The following FAM120B variants were observed in gnomAD, a reference collection of about 807,000 sequenced individuals.
The protein encoded by FAM120B is family with sequence similarity 120 member B, also known as constitutive coactivator of peroxisome proliferator-activated receptor gamma.
In FAM120B, 83 loss-of-function variants were observed where a neutral mutation model predicts 96.3. The observed-to-expected ratio is 0.86, with a 90% confidence interval of 0.72 to 1.03. The LOEUF is 1.03. Ranked by LOEUF, FAM120B falls within the 50% of genes least tolerant of loss-of-function variation. The probability of loss-of-function intolerance (pLI) is 0.00; values close to 1 mark genes in which losing one functional copy is unlikely to be tolerated. For missense variants in FAM120B, 1,027 were observed against 1,121.2 expected, an observed-to-expected ratio of 0.92 and a Z score of 1.20; for synonymous variants, 407 against 402.7, an observed-to-expected ratio of 1.01 and a Z score of -0.13.
intron 5 of FAM120B, among the ~76,000 whole-genome samples, chr6:170,351,153 A>G (rs755633579): frequency 3.9e-5 from 6 of 152,152 alleles, no homozygotes; most frequent in Non-Finnish European, 8.8e-5. Context: ...TCACAGTGCA[A>G]TTACAAGTGT....
chr6:170,293,530 A>G (rs1783931165), upstream of FAM120B, among the ~76,000 whole-genome samples: 2 of 152,134 alleles, frequency 1.3e-5, no homozygotes, highest in South Asian at 2.1e-4. Context: ...ACTGAAAGGC[A>G]TCGTAAAATC....
chr6:170,357,892 T>C (rs545036122), intron 5 of FAM120B, among the ~76,000 whole-genome samples: 19 of 152,356 alleles, frequency 1.2e-4, no homozygotes, highest in African/African-American at 4.3e-4. Flanking sequence ...GAGGCTGTGC[T>C]CTTTCCACCT....
At chr6:170,306,908 T>A (rs1041672979) in intron 1 of FAM120B, 66 bp downstream of exon 1, 18 of 152,422 alleles carry the variant, frequency 1.2e-4, no homozygotes, top group African/African-American at 4.1e-4. Flanking sequence ...GACCGTCCGT[T>A]ACCCGCGTCC....
At chr6:170,371,606 A>G (rs928008035) in intron 6 of FAM120B, among the ~76,000 whole-genome samples, 2 of 152,216 alleles carry the variant, frequency 1.3e-5, no homozygotes, top group African/African-American at 4.8e-5. Context: ...CTCCACCTTA[A>G]GATGCAAAAG....
At position 170,391,125 on chromosome 6, in the gene FAM120B, G is replaced by A. The variant is rs181417813; in HGVS notation, c.2599+4G>A. The A allele has an allele frequency of 1.2e-6, 2 of 1,609,278 alleles. No homozygotes were observed. The highest frequency in any genetic ancestry group is 1.7e-6 in the Non-Finnish European group (2 of 1,175,756). ...CACTGGGGCTCACACCACGCAGGTG[G>A]GAAAGGGCCAGGTGCCTCTAGAAGC... is the stretch of plus-strand genomic sequence containing the variant. On this transcript the variant is annotated splice_donor_region_variant and intron_variant, in intron 8 of 10. Coordinates refer to ENST00000476287, the MANE Select transcript of FAM120B (RefSeq NM_032448.3).
Position 170,317,523 on chromosome 6 carries a change from G to A in FAM120B, c.133G>A (p.Ala45Thr), listed in dbSNP as rs1784972635. The change falls in exon 2 of 11, where the codon GCC becomes ACC. Residue 45 changes from alanine (A) to threonine (T), a missense_variant. Transcript: ENST00000476287. ...PGCTPTIVVD[A>T]MCCLRYWYTP... Reference sequence around the variant, plus strand: ...ATGTACCCCTACCATTGTGGTTGATGCCATGTGTTGTCTCAGATATTGGTA... The same window carrying A: ...ATGTACCCCTACCATTGTGGTTGATACCATGTGTTGTCTCAGATATTGGTA... The A allele has an allele frequency of 2.5e-6, 4 of 1,614,088 alleles. No homozygotes were observed. Among genetic ancestry groups the A allele is most frequent in the Non-Finnish European group, 1.7e-6 (2 of 1,180,042 alleles).
intron 6 of FAM120B, among the ~76,000 whole-genome samples, chr6:170,381,933 A>G (rs1039668818): frequency 6.6e-6 from 1 of 152,214 alleles, no homozygotes; most frequent in Non-Finnish European, 1.5e-5. Context: ...GCTTTTCTCC[A>G]ATATCAGGGA....
rs1187706574 is a variant in FAM120B, at chr6:170,370,861, A to T, written c.2283+12543A>T. ...GTTGTGCGTCTCTAACAGACGGGAG[A>T]TACTGCAGTAGAATTTGCAGCACTT... is the stretch of plus-strand genomic sequence containing the variant. On this transcript the variant is annotated intron_variant, in intron 6 of 10. Coordinates refer to ENST00000476287, the MANE Select transcript of FAM120B (RefSeq NM_032448.3). This position sits in a 1 kb window ranked among gnomAD's most constrained non-coding sequence, Gnocchi z 4.3. Among the ~76,000 whole-genome samples the T allele has an allele frequency of 6.6e-6, 1 of 152,106 alleles. No individual in the cohort carries two copies.
intron 3 of FAM120B, among the ~76,000 whole-genome samples, chr6:170,328,113 C>T (rs1785727694): frequency 6.6e-6 from 1 of 152,170 alleles, no homozygotes; most frequent in South Asian, 2.1e-4. Flanking sequence ...ATTTATTTAA[C>T]TTTTTGACTC....
At chr6:170,336,123 A>C (rs546183626) in intron 4 of FAM120B, among the ~76,000 whole-genome samples, 1 of 152,186 alleles carries the variant, frequency 6.6e-6, no homozygotes, top group Non-Finnish European at 1.5e-5. Flanking sequence ...GTCTTTGCCC[A>C]TGCCTATGTC....
At chr6:170,291,430 G>A (rs989072168), upstream of FAM120B, among the ~76,000 whole-genome samples, 4 of 151,992 alleles carry the variant, frequency 2.6e-5, no homozygotes, top group Non-Finnish European at 4.4e-5. Flanking sequence ...CTTGGGGAGG[G>A]CGGCTGCGAG....
intron 1 of FAM120B, among the ~76,000 whole-genome samples, chr6:170,307,919 C>T (rs957127106): frequency 1.3e-5 from 2 of 152,184 alleles, no homozygotes; most frequent in Non-Finnish European, 2.9e-5. Context: ...GGGAAAAGCC[C>T]AGAATGGGGA....
intron 4 of FAM120B, among the ~76,000 whole-genome samples, chr6:170,344,332 C>T (rs1787037976): frequency 7.6e-6 from 1 of 132,348 alleles, no homozygotes; most frequent in Non-Finnish European, 1.6e-5. Flanking sequence ...AGTAGACCCA[C>T]CTTGGAAGAA....
Position 170,348,246 on chromosome 6 carries a change from T to C in FAM120B, c.2113T>C (p.Ser705Pro), listed in dbSNP as rs950705248. ...DTLLACFNLSSSREELQAVES... is the reference protein window; with the variant it reads ...DTLLACFNLSPSREELQAVES... ...ACTCCTAGCCTGTTTCAATCTTTCC[T>C]CCTCAAGAGAAGAGCTGCAGGCTGT... Residue 705 changes from serine (S) to proline (P), a missense_variant, in exon 5 of 11, where the codon TCC becomes CCC. Ser to Pro is a moderately conservative substitution (Grantham distance 74). This residue lies in a region of FAM120B where 880 missense variants were observed against 980.9 expected (regional missense o/e 0.90). Coordinates refer to ENST00000476287, the MANE Select transcript of FAM120B (RefSeq NM_032448.3). 6.2e-7 allele frequency: 1 copy of C among 1,614,072 alleles called. No individual in the cohort carries two copies. Among genetic ancestry groups the C allele is most frequent in the Non-Finnish European group, 8.5e-7 (1 of 1,179,974 alleles).
chr6:170,296,602 C>T (rs957625675), intron 1 of FAM120B, among the ~76,000 whole-genome samples: 3 of 151,780 alleles, frequency 2.0e-5, no homozygotes, highest in Non-Finnish European at 2.9e-5. Context: ...TGCGAGGCGA[C>T]GGCGCACACC....
chr6:170,327,553 T>G (rs1423240147), intron 3 of FAM120B, among the ~76,000 whole-genome samples: 2 of 151,698 alleles, frequency 1.3e-5, no homozygotes, highest in Non-Finnish European at 2.9e-5. Context: ...CTCCGGTGAG[T>G]CCATGAGTGA....
At chr6:170,386,280 T>TA (rs555500128) in intron 6 of FAM120B, among the ~76,000 whole-genome samples, 57 of 152,256 alleles carry the variant, frequency 3.7e-4, no homozygotes, top group African/African-American at 1.3e-3. Flanking sequence ...TCTAAAAACA[T>TA]AAAGTCCTTT....
chr6:170,397,026 G>C (rs1453807028), intron 9 of FAM120B, among the ~76,000 whole-genome samples: 1 of 152,250 alleles, frequency 6.6e-6, no homozygotes, highest in Non-Finnish European at 1.5e-5. Flanking sequence ...TCAGGTCAGA[G>C]ACTGCAGCCC....
chr6:170,294,722 GGCCTGGGCAGATTGCAATAAACAAT>G (rs1783958909), upstream of FAM120B, among the ~76,000 whole-genome samples: 1 of 152,082 alleles, frequency 6.6e-6, no homozygotes, highest in African/African-American at 2.4e-5. This position sits in a 1 kb window ranked among gnomAD's most constrained non-coding sequence, Gnocchi z 7.9. Flanking sequence ...GGGGCAGGAG[GGCCTGGGCAGATTGCAATAAACAAT>G]GCCCAGAATA....
Sources: gnomAD v4.1 joint callset for allele counts (sites outside exome capture counted in the v4.1 genomes callset) on GRCh38, gnomAD v4.1.1 for gene constraint, gnomAD v4.1.1 regional missense constraint, Gnocchi (gnomAD v3.1) non-coding constraint, MANE v1.5 for transcripts, NCBI Gene and HGNC (gene_info 2026-07-23, HGNC 2026-07-21) for gene names.